MYO16: variants seen among roughly 807,000 people sequenced by gnomAD.
The protein encoded by MYO16 is myosin XVI.
A neutral mutation model predicts 205.3 loss-of-function variants in MYO16; 94 were observed. That is an observed-to-expected ratio of 0.46 (90% CI 0.39 to 0.54). MYO16 has a LOEUF of 0.54. Ranked by LOEUF, MYO16 falls within the 20% of genes least tolerant of loss-of-function variation. The pLI is 0.00. For missense variants in MYO16, 2,315 were observed against 2,387.5 expected (o/e 0.97, Z 0.63); for synonymous variants, 988 against 954.0 (o/e 1.04, Z -0.66).
Position 109,128,128 on chromosome 13 carries a change from A to T in MYO16, c.4051+578A>T, listed in dbSNP as rs1439774156. On this transcript the variant is annotated intron_variant, in intron 31 of 34. Transcript: ENST00000457511. The stretch of plus-strand genomic sequence containing the variant: ...ATGAGACAATTACTGTTTAAATATT[A>T]ATTTTAAGAATGGTGAAAAATAAAG... Among the ~76,000 whole-genome samples, 37 of 152,224 alleles carry T rather than the reference A, an allele frequency of 2.4e-4. 1 individual carries two copies. Among genetic ancestry groups the T allele is most frequent in the Admixed American group, 2.4e-3 (37 of 15,286 alleles).
chr13:108,969,702 C>T (rs1883937355), intron 20 of MYO16, among the ~76,000 whole-genome samples: 2 of 152,224 alleles, frequency 1.3e-5, no homozygotes, highest in Non-Finnish European at 2.9e-5. Flanking sequence ...GAGAGGCAAA[C>T]AGCACCATTG....
At chr13:108,574,337 T>A in the MYO16 span, among the ~76,000 whole-genome samples, 1 of 152,160 alleles carries the variant, frequency 6.6e-6, no homozygotes, top group Non-Finnish European at 1.5e-5. Flanking sequence ...GGGATGAAGA[T>A]CTATTACCTT....
intron 17 of MYO16, among the ~76,000 whole-genome samples, chr13:108,959,014 C>T (rs573059882): frequency 4.0e-4 from 61 of 152,276 alleles, no homozygotes; most frequent in Non-Finnish European, 7.5e-4. Context: ...CCTGCCCACA[C>T]CGTTATGGCT....
At chr13:108,686,254 T>A (rs982668876) in intron 2 of MYO16, among the ~76,000 whole-genome samples, 4 of 152,224 alleles carry the variant, frequency 2.6e-5, no homozygotes, top group African/African-American at 9.6e-5. Flanking sequence ...GTGTGGTCAA[T>A]GTGTGATTCG....
At chr13:109,168,100 G>A (rs1245598323) in intron 33 of MYO16, among the ~76,000 whole-genome samples, 7 of 151,796 alleles carry the variant, frequency 4.6e-5, no homozygotes, top group Admixed American at 3.3e-4. Flanking sequence ...CTAGTAAAGA[G>A]AGAAAAATAA....
chr13:109,183,103 A>G (rs487082), intron 34 of MYO16, among the ~76,000 whole-genome samples: 9,104 of 152,290 alleles, frequency 0.06, 753 homozygotes, highest in East Asian at 0.28. Context: ...GCATTTATGA[A>G]AAGAATATGA....
At chr13:109,007,147 G>A (rs1885414171) in intron 21 of MYO16, among the ~76,000 whole-genome samples, 1 of 152,198 alleles carries the variant, frequency 6.6e-6, no homozygotes, top group South Asian at 2.1e-4. Flanking sequence ...CCAGCACTTT[G>A]GGAGGCCAAG....
At chr13:108,613,259 G>C (rs998953952) in intron 1 of MYO16, among the ~76,000 whole-genome samples, 6 of 152,108 alleles carry the variant, frequency 3.9e-5, no homozygotes, top group African/African-American at 1.4e-4. Flanking sequence ...TTCTGGATTT[G>C]ACATTCTGTC....
chr13:108,680,821 G>C (rs1376362431), intron 2 of MYO16, among the ~76,000 whole-genome samples: 2 of 152,140 alleles, frequency 1.3e-5, no homozygotes, highest in Non-Finnish European at 2.9e-5. Context: ...GGCTTTATTA[G>C]GGTCCCAGAT....
intron 1 of MYO16, among the ~76,000 whole-genome samples, chr13:108,601,210 G>A (rs958697754): frequency 6.6e-6 from 1 of 152,222 alleles, no homozygotes; most frequent in East Asian, 1.9e-4. Context: ...GCTTTCAAAA[G>A]TAACATCTAG....
the MYO16 span, among the ~76,000 whole-genome samples, chr13:108,579,824 A>G: frequency 6.6e-6 from 1 of 152,192 alleles, no homozygotes; most frequent in Non-Finnish European, 1.5e-5. Flanking sequence ...ATAAAGAGCC[A>G]TGCCTATTGT....
chr13:109,019,399 G>T (rs1885943918), intron 22 of MYO16, among the ~76,000 whole-genome samples: 1 of 152,054 alleles, frequency 6.6e-6, no homozygotes, highest in Non-Finnish European at 1.5e-5. Context: ...TAATTTTCCT[G>T]TAGTCTGAAT....
At chr13:109,075,308 G>A (rs377529750) in intron 27 of MYO16, among the ~76,000 whole-genome samples, 4 of 103,110 alleles carry the variant, frequency 3.9e-5, no homozygotes, top group East Asian at 2.7e-4. Context: ...TTGTCTTCCC[G>A]TCTCCTGTCC....
chr13:108,502,938 TAAAG>T, the MYO16 span, among the ~76,000 whole-genome samples: 1 of 152,194 alleles, frequency 6.6e-6, no homozygotes, highest in Non-Finnish European at 1.5e-5. Context: ...GCCTAAGAAA[TAAAG>T]AAACTTAGTA....
intron 34 of MYO16, among the ~76,000 whole-genome samples, chr13:109,203,464 T>C (rs1396284820): frequency 2.6e-5 from 4 of 152,054 alleles, no homozygotes; most frequent in African/African-American, 9.7e-5. Flanking sequence ...CAGGAACATG[T>C]TGGCTTCTGG....
At chr13:109,038,114 G>T (rs1213037505) in intron 23 of MYO16, among the ~76,000 whole-genome samples, 2 of 152,198 alleles carry the variant, frequency 1.3e-5, no homozygotes, top group Non-Finnish European at 2.9e-5. Context: ...CAACATGATC[G>T]ATCATCAAGT....
chr13:108,949,407 G>A (rs1313837761), intron 16 of MYO16, among the ~76,000 whole-genome samples: 6 of 152,066 alleles, frequency 3.9e-5, no homozygotes, highest in Non-Finnish European at 5.9e-5. Context: ...AACAGTGAAC[G>A]TGTGAAAACT....
intron 11 of MYO16, among the ~76,000 whole-genome samples, chr13:108,863,896 C>T (rs1013539770): frequency 1.3e-5 from 2 of 152,086 alleles, no homozygotes; most frequent in African/African-American, 4.8e-5. Flanking sequence ...ATTGTGTTAG[C>T]TTTGGTATGA....
chr13:108,974,264 T>C (rs1884170154), intron 20 of MYO16, among the ~76,000 whole-genome samples: 1 of 152,218 alleles, frequency 6.6e-6, no homozygotes, highest in Admixed American at 6.5e-5. Flanking sequence ...GAATTTTCTA[T>C]GATTTCATAT....
Sources: gnomAD v4.1 joint callset for allele counts (sites outside exome capture counted in the v4.1 genomes callset) on GRCh38, gnomAD v4.1.1 for gene constraint, MANE v1.5 for transcripts, NCBI Gene and HGNC (gene_info 2026-07-23, HGNC 2026-07-21) for gene names.